Variants in ANKS6 observed in about 807,000 individuals in gnomAD.
The protein encoded by ANKS6 is ankyrin repeat and SAM domain-containing protein 6.
In ANKS6, 47 loss-of-function variants were observed where a neutral mutation model predicts 77.9. That is an observed-to-expected ratio of 0.60 (90% CI 0.48 to 0.77). The LOEUF (loss-of-function observed/expected upper bound fraction) is 0.77. Ranked by LOEUF, ANKS6 falls within the 30% of genes least tolerant of loss-of-function variation. The pLI is 0.00. For synonymous variants in ANKS6, 488 were observed against 501.7 expected (o/e 0.97, Z 0.37); for missense variants, 1,150 against 1,159.1 (o/e 0.99, Z 0.11).
intron 2 of ANKS6, among the ~76,000 whole-genome samples, chr9:98,787,061 A>G (rs865814960): frequency 5.3e-5 from 8 of 152,194 alleles, no homozygotes; most frequent in African/African-American, 1.4e-4. Flanking sequence ...TACAGCATCA[A>G]AAGTACCCTG....
At chr9:98,740,618 G>A (rs999940940) in intron 14 of ANKS6, among the ~76,000 whole-genome samples, 19 of 152,206 alleles carry the variant, frequency 1.2e-4, no homozygotes, top group Admixed American at 1.3e-4. Flanking sequence ...CCTGAGAAAT[G>A]AGGTCAGGGC....
chr9:98,759,986 T>A (rs1832924359), intron 11 of ANKS6, among the ~76,000 whole-genome samples: 2 of 152,084 alleles, frequency 1.3e-5, no homozygotes, highest in Admixed American at 1.3e-4. Context: ...TATTGAATCT[T>A]CCCAACACAA....
chr9:98,771,393 C>T (rs1263725378), intron 9 of ANKS6, among the ~76,000 whole-genome samples: 1 of 152,198 alleles, frequency 6.6e-6, no homozygotes, highest in Non-Finnish European at 1.5e-5. Context: ...AAATCCAGCC[C>T]CCTCAGCACC....
In ANKS6 at chr9:98,778,491, C is replaced by G. The variant is rs1454316243; in HGVS notation, c.1369-67G>C. 3.3e-6 allele frequency: 5 copies of G among 1,501,354 alleles called. No individual in the cohort carries two copies. The African/African-American group carries it at 6.9e-5, about 21-fold the overall frequency. 93.0% of individuals were successfully genotyped at this position (1,501,354 alleles called of 1,614,324 possible). A position where few individuals can be genotyped will look rare whatever the true frequency, so the allele number is the denominator to read the frequency against. ...GCAAGGAGACCAGGCCCAGGACCTG[C>G]CAGCCCAGAGACAGTGACTACATTC... On this transcript the variant is annotated intron_variant, in intron 6 of 14. Transcript: ENST00000353234.
At chr9:98,788,521 AAAAAC>A (rs958225406) in intron 2 of ANKS6, among the ~76,000 whole-genome samples, 1 of 152,216 alleles carries the variant, frequency 6.6e-6, no homozygotes, top group Non-Finnish European at 1.5e-5. Context: ...TGTCAAAAAC[AAAAAC>A]AAAACAAAAC....
rs530966617 is a variant in ANKS6, at chr9:98,787,974, G to A, written c.862+2130C>T. On this transcript the variant is annotated intron_variant, in intron 2 of 14. Transcript: ENST00000353234. ...ATGAACCCCACAGCAGCCCTGAGGC[G>A]GGTATCACTCCAGCACCCATTTGTG... Among the ~76,000 whole-genome samples, 26 of 152,328 alleles carry A rather than the reference G, an allele frequency of 1.7e-4. No individual in the cohort carries two copies. In the South Asian group the frequency reaches 3.1e-3, roughly 18 times the overall value.
intron 2 of ANKS6, among the ~76,000 whole-genome samples, chr9:98,785,077 CAG>C (rs1286288556): frequency 6.6e-6 from 1 of 152,192 alleles, no homozygotes; most frequent in African/African-American, 2.4e-5. Context: ...ACTTCAGAGA[CAG>C]ATCTTGCCAA....
In ANKS6 at chr9:98,733,968, G is replaced by T; in HGVS notation, c.*2551C>A. On this transcript the variant is annotated 3_prime_UTR_variant, in exon 15 of 15. Transcript: ENST00000353234. ...ACAGCCACAGGCAGGCTGGGGACAC[G>T]TGTGGGAAGGGAAGGGGGTGATCAA... is the stretch of plus-strand genomic sequence containing the variant. 1 of 985,424 alleles carries T rather than the reference G, an allele frequency of 1.0e-6. No individual in the cohort carries two copies. The highest frequency in any genetic ancestry group is 5.2e-4 in the Middle Eastern group (1 of 1,916). The allele number at this position is 985,424 out of a possible 1,614,324, so 61.0% of individuals were successfully genotyped here. A position where few individuals can be genotyped will look rare whatever the true frequency, so the allele number is the denominator to read the frequency against.
rs1832696469 is a variant in ANKS6, at chr9:98,756,320, C to T, written c.2326+100G>A. ...GTCGTAAATCTTCTTAAAACCTGACCTAGGATGGTTATAGCAATTAAGGTC... is the reference window on the plus strand; with the variant it reads ...GTCGTAAATCTTCTTAAAACCTGACTTAGGATGGTTATAGCAATTAAGGTC... On this transcript the variant is annotated intron_variant, in intron 12 of 14. Coordinates refer to ENST00000353234, the MANE Select transcript of ANKS6 (RefSeq NM_173551.5). 7 of 1,326,148 alleles carry T rather than the reference C, an allele frequency of 5.3e-6. 1 individual carries two copies. In the Middle Eastern group the frequency reaches 1.6e-3, roughly 306 times the overall value. The allele number at this position is 1,326,148 out of a possible 1,614,324, so 82.1% of individuals were successfully genotyped here.
chr9:98,787,542 C>T (rs1247540602), intron 2 of ANKS6, among the ~76,000 whole-genome samples: 1 of 152,160 alleles, frequency 6.6e-6, no homozygotes, highest in African/African-American at 2.4e-5. Flanking sequence ...AGAAAGGTGC[C>T]TGATACATAG....
chr9:98,732,682 A>G lies in ANKS6; in HGVS notation c.*3837T>C. ...GTGAAAAGGGCTTTCTCACTTTCACATGATCCCTGGGGGCTACTATCCCCC... is the reference window on the plus strand; with the variant it reads ...GTGAAAAGGGCTTTCTCACTTTCACGTGATCCCTGGGGGCTACTATCCCCC... On this transcript the variant is annotated 3_prime_UTR_variant, in exon 15 of 15. Transcript: ENST00000353234. 1.3e-6 allele frequency: 2 copies of G among 1,486,360 alleles called. No individual in the cohort carries two copies. The highest frequency in any genetic ancestry group is 1.8e-6 in the Non-Finnish European group (2 of 1,120,194). 92.1% of individuals were successfully genotyped at this position (1,486,360 alleles called of 1,614,324 possible). A position where few individuals can be genotyped will look rare whatever the true frequency, so the allele number is the denominator to read the frequency against.
rs1308493540 is a variant in ANKS6 at position 98,732,342 on chromosome 9, G to C, written c.*4177C>G. 5 of 829,638 alleles carry C rather than the reference G, an allele frequency of 6.0e-6. No homozygotes were observed. Among genetic ancestry groups the C allele is most frequent in the Middle Eastern group, 3.6e-4 (1 of 2,812 alleles). The allele number at this position is 829,638 out of a possible 1,614,324, so 51.4% of individuals were successfully genotyped here. On this transcript the variant is annotated 3_prime_UTR_variant, in exon 15 of 15. Transcript: ENST00000353234. ...TTCCCTGCCCCCTTTTTACCCGCTGGATCAGCTTCTACGACTTGGTCAAAC... is the reference window on the plus strand; with the variant it reads ...TTCCCTGCCCCCTTTTTACCCGCTGCATCAGCTTCTACGACTTGGTCAAAC...
rs1378046357 is a variant in ANKS6, at chr9:98,750,762, C to CA, written c.2394+266dup. On this transcript the variant is annotated intron_variant, in intron 13 of 14. Coordinates refer to ENST00000353234, the MANE Select transcript of ANKS6 (RefSeq NM_173551.5). Reference sequence around the variant, plus strand: ...AAGTCTGCCAGTCAATCACACACAACAAAAAAAATGTTTTCAGGAGAGGAA... The same window carrying CA: ...AAGTCTGCCAGTCAATCACACACAACAAAAAAAAATGTTTTCAGGAGAGGAA... 2.5e-4 allele frequency among the ~76,000 whole-genome samples: 38 copies of CA among 151,710 alleles called. 1 individual carries two copies. The highest frequency in any genetic ancestry group is 4.2e-4 in the South Asian group (2 of 4,802).
At chr9:98,737,888 C>A (rs1831587521) in intron 14 of ANKS6, among the ~76,000 whole-genome samples, 1 of 152,172 alleles carries the variant, frequency 6.6e-6, no homozygotes, top group South Asian at 2.1e-4. Flanking sequence ...AAAATAGGCA[C>A]ATAGACCAAC....
intron 14 of ANKS6, among the ~76,000 whole-genome samples, chr9:98,739,642 TAACC>T (rs1296807274): frequency 6.6e-6 from 1 of 152,030 alleles, no homozygotes; most frequent in African/African-American, 2.4e-5. Context: ...AAAATCTATA[TAACC>T]AACAGGTAGG....
rs1398747962 is a variant in ANKS6, at chr9:98,737,616, C to T, written c.2512-993G>A. Among the ~76,000 whole-genome samples, 4 of 152,192 alleles carry T rather than the reference C, an allele frequency of 2.6e-5. No homozygotes were observed. The East Asian group carries it at 7.7e-4, about 29-fold the overall frequency. ...AACAAGTGGAAACACATCCCATGCTCATGGATGGAGAGAATCAATATTGTG... is the reference window on the plus strand; with the variant it reads ...AACAAGTGGAAACACATCCCATGCTTATGGATGGAGAGAATCAATATTGTG... On this transcript the variant is annotated intron_variant, in intron 14 of 14. Coordinates refer to ENST00000353234, the MANE Select transcript of ANKS6 (RefSeq NM_173551.5).
At position 98,771,495 on chromosome 9, in the gene ANKS6, C is replaced by T. The variant is rs188852190; in HGVS notation, c.1822-449G>A. On this transcript the variant is annotated intron_variant, in intron 9 of 14. Transcript: ENST00000353234. ...CAGCCTGAAATGGATCTTCTCCTCC[C>T]CACATCCTTTATGGTGTCTTTCCTG... Among the ~76,000 whole-genome samples, 33 of 152,314 alleles carry T rather than the reference C, an allele frequency of 2.2e-4. No individual in the cohort carries two copies. The East Asian group carries it at 6.4e-3, about 29-fold the overall frequency.
intron 9 of ANKS6, among the ~76,000 whole-genome samples, chr9:98,772,724 T>C (rs1361701106): frequency 6.6e-6 from 1 of 152,180 alleles, no homozygotes; most frequent in Non-Finnish European, 1.5e-5. Flanking sequence ...TCTCTCCCTC[T>C]ACCTGGGACG....
intron 14 of ANKS6, among the ~76,000 whole-genome samples, chr9:98,738,719 A>C (rs1254353102): frequency 6.6e-6 from 1 of 152,218 alleles, no homozygotes; most frequent in Non-Finnish European, 1.5e-5. Context: ...TAGAACTACC[A>C]TTTGATCCAG....
Sources: gnomAD v4.1 joint callset for allele counts (sites outside exome capture counted in the v4.1 genomes callset) on GRCh38, gnomAD v4.1.1 for gene constraint, MANE v1.5 for transcripts, NCBI Gene and HGNC (gene_info 2026-07-23, HGNC 2026-07-21) for gene names.